HIVEP3: variants seen among roughly 807,000 people sequenced by gnomAD.
HIVEP3 encodes the protein HIVEP zinc finger 3, also known as transcription factor HIVEP3.
Under a neutral mutation model 152.8 loss-of-function variants are expected in HIVEP3, and 49 were observed. The ratio of observed to expected loss-of-function variants is 0.32; its 90% CI spans 0.26 to 0.41. The LOEUF is 0.41. Among genes scored for constraint, HIVEP3 ranks in the 10% least tolerant of loss-of-function variants. The probability of loss-of-function intolerance (pLI) is 1.00; values close to 1 mark genes in which losing one functional copy is unlikely to be tolerated. For missense variants in HIVEP3, 2,790 were observed against 3,103.3 expected (o/e 0.90, Z 2.40); for synonymous variants, 1,269 against 1,289.0 (o/e 0.98, Z 0.33).
chr1:41,725,971 A>C (rs918660855), intron 1 of HIVEP3, among the ~76,000 whole-genome samples: 1 of 152,218 alleles, frequency 6.6e-6, no homozygotes, highest in East Asian at 1.9e-4. Flanking sequence ...AACCTGTAGT[A>C]TGAATGATAT....
intron 1 of HIVEP3, among the ~76,000 whole-genome samples, chr1:41,958,068 T>C (rs1472570592): frequency 1.3e-5 from 2 of 152,236 alleles, no homozygotes; most frequent in Admixed American, 1.3e-4. Flanking sequence ...TGAAAAGTTA[T>C]TCAATCTCTC....
chr1:41,869,674 G>A (rs1346667636), intron 1 of HIVEP3: 2 of 152,076 alleles, frequency 1.3e-5, no homozygotes, highest in African/African-American at 4.8e-5. Context: ...GAAACAAAGG[G>A]ACACACAGAA....
At chr1:41,835,004 T>C (rs1643080559) in intron 1 of HIVEP3, among the ~76,000 whole-genome samples, 1 of 152,122 alleles carries the variant, frequency 6.6e-6, no homozygotes, top group Non-Finnish European at 1.5e-5. Context: ...GCAAGGACTC[T>C]AGATTTTATT....
intron 1 of HIVEP3, among the ~76,000 whole-genome samples, chr1:41,935,234 G>T (rs1273102964): frequency 6.6e-6 from 1 of 152,116 alleles, no homozygotes; most frequent in Non-Finnish European, 1.5e-5. Context: ...AGAGAAGTGG[G>T]ACTCAGAGGG....
chr1:42,029,729 A>G (rs185012895), intron 1 of HIVEP3, among the ~76,000 whole-genome samples: 2 of 152,342 alleles, frequency 1.3e-5, no homozygotes, highest in East Asian at 3.9e-4. Context: ...TGTAGAAACT[A>G]GCACTAATTA....
chr1:41,611,669 G>T (rs933097781), intron 3 of HIVEP3, among the ~76,000 whole-genome samples: 1 of 152,232 alleles, frequency 6.6e-6, no homozygotes, highest in Admixed American at 6.5e-5. Flanking sequence ...TTTAATCAAG[G>T]AAGCAAGGGA....
intron 2 of HIVEP3, among the ~76,000 whole-genome samples, chr1:41,676,063 T>TC (rs1000446856): frequency 5.9e-5 from 9 of 151,622 alleles, no homozygotes; most frequent in African/African-American, 2.2e-4. Context: ...TTTCTTTCTT[T>TC]TTTTTTTTGA....
chr1:42,003,021 T>A (rs1570883891), intron 1 of HIVEP3, among the ~76,000 whole-genome samples: 1 of 152,340 alleles, frequency 6.6e-6, no homozygotes, highest in South Asian at 2.1e-4. Flanking sequence ...TTCTAACTGC[T>A]AACTAATATT....
chr1:41,781,494 C>T (rs991824335), intron 1 of HIVEP3, among the ~76,000 whole-genome samples: 9 of 152,182 alleles, frequency 5.9e-5, no homozygotes, highest in Non-Finnish European at 1.0e-4. Context: ...CTTTTCTAGC[C>T]AACTGCCATA....
rs185462820 is a variant in HIVEP3 at position 41,963,975 on chromosome 1, G to T, written n.120-45451C>A. Among the ~76,000 whole-genome samples the T allele has an allele frequency of 8.5e-5, 13 of 152,338 alleles. 1 individual carries two copies. The East Asian group carries it at 2.5e-3, about 29-fold the overall frequency. On this transcript the variant is annotated intron_variant and non_coding_transcript_variant, in intron 1 of 3. Coordinates refer to the HIVEP3 transcript ENST00000489103. ...AATGCAAGTGAGTGAAAATGAAGGTGTTATGGATTGAATGGTGTCCTTCCA... is the reference window on the plus strand; with the variant it reads ...AATGCAAGTGAGTGAAAATGAAGGTTTTATGGATTGAATGGTGTCCTTCCA...
rs369427777 is a variant in HIVEP3, at chr1:41,886,179, A to G, written c.-801+32234T>C. 4.0e-4 allele frequency among the ~76,000 whole-genome samples: 61 copies of G among 152,326 alleles called. 1 individual carries two copies. Among genetic ancestry groups the G allele is most frequent in the African/African-American group, 1.4e-3 (59 of 41,566 alleles). On this transcript the variant is annotated intron_variant, in intron 1 of 8. Coordinates refer to ENST00000372583, the MANE Select transcript of HIVEP3 (RefSeq NM_024503.5). ...TCATGTTCATATTGAATGGTGTTAC[A>G]GTAGCTATAGGTGTTTTGGGATCCA...
intron 5 of HIVEP3, among the ~76,000 whole-genome samples, chr1:41,557,170 A>C (rs1012391385): frequency 6.6e-6 from 1 of 152,176 alleles, no homozygotes; most frequent in Non-Finnish European, 1.5e-5. Flanking sequence ...AACAGTTGGC[A>C]CCCAATTAAT....
chr1:41,925,102 C>T (rs994111160), intron 1 of HIVEP3, among the ~76,000 whole-genome samples: 4 of 152,058 alleles, frequency 2.6e-5, no homozygotes, highest in Admixed American at 6.5e-5. Flanking sequence ...AGCCCATAAG[C>T]CAAGAATGGA....
chr1:41,919,809 C>T (rs184099048), upstream of HIVEP3, among the ~76,000 whole-genome samples: 43 of 152,284 alleles, frequency 2.8e-4, no homozygotes, highest in Non-Finnish European at 5.3e-4. Flanking sequence ...AAAGAGGTAG[C>T]GCTGAGAAGA....
chr1:41,965,085 C>T (rs1374555983), intron 1 of HIVEP3, among the ~76,000 whole-genome samples: 1 of 152,246 alleles, frequency 6.6e-6, no homozygotes, highest in Non-Finnish European at 1.5e-5. Flanking sequence ...CTTTGCTGTT[C>T]TGCAGCCTCC....
At chr1:41,657,939 G>T (rs1187484556) in intron 2 of HIVEP3, among the ~76,000 whole-genome samples, 1 of 152,116 alleles carries the variant, frequency 6.6e-6, no homozygotes, top group Non-Finnish European at 1.5e-5. Flanking sequence ...CTCATCCCAG[G>T]CAGAACATCT....
chr1:41,755,209 AG>A (rs1172334237), intron 1 of HIVEP3, among the ~76,000 whole-genome samples: 7 of 152,346 alleles, frequency 4.6e-5, no homozygotes, highest in South Asian at 4.1e-4. Context: ...AAGGAAGCAT[AG>A]TTTTTTTTTA....
In HIVEP3 at chr1:41,567,332, C is replaced by T. The variant is rs532991145; in HGVS notation, c.5207+8212G>A. Among the ~76,000 whole-genome samples the T allele has an allele frequency of 1.1e-4, 16 of 152,326 alleles. 1 individual carries two copies. In the South Asian group the frequency reaches 3.3e-3, roughly 32 times the overall value. ...TCACCTGGGCTTTCAGGATCCTGCT[C>T]TTCGTGCTGCCCTGACAACCACTAC... On this transcript the variant is annotated intron_variant, in intron 5 of 8. Coordinates refer to ENST00000372583, the MANE Select transcript of HIVEP3 (RefSeq NM_024503.5).
chr1:41,730,025 G>A (rs1417661490), intron 1 of HIVEP3, among the ~76,000 whole-genome samples: 2 of 152,198 alleles, frequency 1.3e-5, no homozygotes, highest in East Asian at 1.9e-4. Flanking sequence ...GTCGGCCAAG[G>A]TCCTCCAGCT....
Sources: allele counts gnomAD v4.1 joint callset (sites outside exome capture counted in the v4.1 genomes callset), GRCh38; gene constraint gnomAD v4.1.1; transcripts MANE v1.5; gene names NCBI Gene and HGNC (gene_info 2026-07-23, HGNC 2026-07-21).